CCDC150: variants seen among roughly 807,000 people sequenced by gnomAD.
CCDC150 encodes coiled-coil domain containing 150.
CCDC150 carries 151 observed loss-of-function variants against 156.5 expected under a neutral mutation model. The observed-to-expected ratio is 0.97, with a 90% confidence interval of 0.85 to 1.10. The LOEUF (loss-of-function observed/expected upper bound fraction) is 1.10, where lower values mean the gene tolerates loss of function less well. CCDC150 is among the 50% of genes least tolerant of loss of function. The pLI is 0.00. For synonymous variants in CCDC150, 452 were observed against 429.4 expected, an observed-to-expected ratio of 1.05 and a Z score of -0.65; for missense variants, 1,312 against 1,268.1, an observed-to-expected ratio of 1.03 and a Z score of -0.53.
At position 196,646,468 on chromosome 2, in the gene CCDC150, G is replaced by A. The variant is rs1294550918; in HGVS notation, c.140G>A (p.Arg47Lys). 6.2e-7 allele frequency: 1 copy of A among 1,613,778 alleles called. No individual in the cohort carries two copies. Among genetic ancestry groups the A allele is most frequent in the African/African-American group, 1.3e-5 (1 of 75,034 alleles). ...GTTGAGGAACAGACCAGTTCACTGA[G>A]GGATGACCTAATAATGTTGGATTTT... ...RIVEEQTSSL[R>K]DDLIMLDFGE... Residue 47 changes from arginine (R) to lysine (K), a missense_variant, in exon 2 of 28, where the codon AGG becomes AAG. By Grantham distance (26) the Arg-to-Lys change is conservative. Coordinates refer to ENST00000389175, the MANE Select transcript of CCDC150 (RefSeq NM_001080539.2).
chr2:196,692,880 A>G (rs536184336), intron 13 of CCDC150, among the ~76,000 whole-genome samples: 87 of 152,244 alleles, frequency 5.7e-4, no homozygotes, highest in African/African-American at 2.1e-3. Context: ...ATCTTTGTTC[A>G]TTTTGTGTCT....
chr2:196,712,105 A>AT, intron 15 of CCDC150, 40 bp from the exon 16 acceptor site: 1 of 954,886 alleles, frequency 1.0e-6, no homozygotes, highest in Non-Finnish European at 1.5e-6. Context: ...TAAATGTTTT[A>AT]TTTTTTAAAA....
At position 196,674,267 on chromosome 2, in the gene CCDC150, G is replaced by T; in HGVS notation, c.1056G>T (p.Lys352Asn). 2 of 1,601,120 alleles carry T rather than the reference G, an allele frequency of 1.2e-6. No homozygotes were observed. Among genetic ancestry groups the T allele is most frequent in the Non-Finnish European group, 1.7e-6 (2 of 1,173,312 alleles). Residue 352 changes from lysine to asparagine, a missense_variant, in exon 10 of 28, where the codon AAG becomes AAT. Coordinates refer to ENST00000389175, the MANE Select transcript of CCDC150 (RefSeq NM_001080539.2). ...TTTTGAATGACCAATTGACTAAAAA[G>T]TGTTCAGAGTTGAGCTGCATGCTTC... ...AQVLNDQLTKKCSELSCMLQT... is the reference protein window; with the variant it reads ...AQVLNDQLTKNCSELSCMLQT...
At chr2:196,677,845 C>T (rs953084628) in intron 13 of CCDC150, among the ~76,000 whole-genome samples, 1 of 152,094 alleles carries the variant, frequency 6.6e-6, no homozygotes, top group African/African-American at 2.4e-5. Flanking sequence ...CAAAAATTAG[C>T]TGGGCATGGT....
intron 13 of CCDC150, among the ~76,000 whole-genome samples, chr2:196,691,960 C>T (rs907170829): frequency 6.6e-6 from 1 of 151,984 alleles, no homozygotes; most frequent in East Asian, 1.9e-4. Context: ...ACAAAAACAG[C>T]TCCTGGATTT....
chr2:196,712,020 T>A (rs1361598123), intron 15 of CCDC150, 125 bp from the exon 16 acceptor site: 1 of 354,590 alleles, frequency 2.8e-6, no homozygotes, highest in Non-Finnish European at 5.0e-6. Flanking sequence ...CTGTAATTTT[T>A]TTTTTTTTTT....
At chr2:196,699,329 A>AGT (rs1696042738) in intron 14 of CCDC150, among the ~76,000 whole-genome samples, 1 of 152,234 alleles carries the variant, frequency 6.6e-6, no homozygotes, top group Non-Finnish European at 1.5e-5. Flanking sequence ...CAGGACAAAT[A>AGT]CTTGGTCTAA....
intron 15 of CCDC150, among the ~76,000 whole-genome samples, chr2:196,704,150 A>G (rs2125672705): frequency 6.6e-6 from 1 of 152,352 alleles, no homozygotes; most frequent in Middle Eastern, 3.4e-3. Context: ...TATGAATTGT[A>G]TTTGGTAAAA....
intron 12 of CCDC150, 31 bp downstream of exon 12, chr2:196,676,762 C>T (rs2125616928): frequency 6.5e-7 from 1 of 1,546,596 alleles, no homozygotes; most frequent in Non-Finnish European, 8.9e-7. Flanking sequence ...ATTATCTTCT[C>T]ATTGTGGTGT....
chr2:196,677,257 G>C (rs756372620), intron 12 of CCDC150, 36 bp from the exon 13 acceptor site: 2 of 1,390,022 alleles, frequency 1.4e-6, no homozygotes, highest in South Asian at 2.5e-5. Context: ...CTATAAAATT[G>C]ACCTATTCCT....
intron 10 of CCDC150, among the ~76,000 whole-genome samples, chr2:196,675,657 A>T (rs1268513854): frequency 6.6e-6 from 1 of 152,186 alleles, no homozygotes; most frequent in Non-Finnish European, 1.5e-5. Flanking sequence ...AGTGCAATTT[A>T]AGATAGTCTT....
At chr2:196,655,676 C>T (rs1358328862) in intron 2 of CCDC150, among the ~76,000 whole-genome samples, 1 of 152,134 alleles carries the variant, frequency 6.6e-6, no homozygotes, top group Non-Finnish European at 1.5e-5. Flanking sequence ...TGCTTGCACT[C>T]CTGTTTAAAA....
intron 1 of CCDC150, among the ~76,000 whole-genome samples, chr2:196,640,416 G>A (rs1426023633): frequency 6.6e-6 from 1 of 152,142 alleles, no homozygotes; most frequent in Non-Finnish European, 1.5e-5. Flanking sequence ...TCAGGACTAG[G>A]TCCTTTAATC....
chr2:196,701,091 CTTTG>C lies in CCDC150; in HGVS notation c.1624-13_1624-10del. 6.3e-7 allele frequency: 1 copy of C among 1,584,616 alleles called. No homozygotes were observed. Among genetic ancestry groups the C allele is most frequent in the Non-Finnish European group, 8.6e-7 (1 of 1,161,302 alleles). On this transcript the variant is annotated splice_polypyrimidine_tract_variant and intron_variant, in intron 14 of 27. Transcript: ENST00000389175. ...TTTCTATGCCTAGAGGTTCTGATGCCTTTGTTTGCCTTATCAGCTTGCCCAACAG... is the reference window on the plus strand; with the variant it reads ...TTTCTATGCCTAGAGGTTCTGATGCCTTTGCCTTATCAGCTTGCCCAACAG...
At chr2:196,686,514 T>G (rs1695139098) in intron 13 of CCDC150, among the ~76,000 whole-genome samples, 1 of 152,216 alleles carries the variant, frequency 6.6e-6, no homozygotes. Context: ...TATTGAATCT[T>G]CTAATACAGT....
chr2:196,647,895 CTT>C (rs1457724114), intron 2 of CCDC150, among the ~76,000 whole-genome samples: 1 of 152,158 alleles, frequency 6.6e-6, no homozygotes, highest in African/African-American at 2.4e-5. Flanking sequence ...CGAACAATCT[CTT>C]CTTTCCCTGT....
At position 196,732,123 on chromosome 2, in the gene CCDC150, C is replaced by T; in HGVS notation, c.3160C>T (p.Pro1054Ser). Residue 1054 changes from proline to serine, a missense_variant, in exon 27 of 28, where the codon CCT (proline) becomes TCT (serine). Coordinates refer to ENST00000389175, the MANE Select transcript of CCDC150 (RefSeq NM_001080539.2). Reference sequence around the variant, plus strand: ...GCTGACAAAAAACCGGTTGCAGAGGCCTTCTGGGGAAGACAGGTGGCAGGA... The same window carrying T: ...GCTGACAAAAAACCGGTTGCAGAGGTCTTCTGGGGAAGACAGGTGGCAGGA... ...LELTKNRLQR[P>S]SGEDRWQEKD... 3.1e-6 allele frequency: 5 copies of T among 1,613,844 alleles called. No homozygotes were observed. The highest frequency in any genetic ancestry group is 2.2e-5 in the East Asian group (1 of 44,868).
intron 15 of CCDC150, among the ~76,000 whole-genome samples, chr2:196,709,047 C>T (rs1447110499): frequency 6.6e-6 from 1 of 152,226 alleles, no homozygotes; most frequent in South Asian, 2.1e-4. Context: ...TGAATGTTGT[C>T]CTGTCTTGCT....
At chr2:196,652,021 A>G (rs1323858258) in intron 2 of CCDC150, among the ~76,000 whole-genome samples, 2 of 152,090 alleles carry the variant, frequency 1.3e-5, no homozygotes, top group South Asian at 2.1e-4. Context: ...ACTCATTACC[A>G]TGGGGAGGGC....
Sources: allele counts gnomAD v4.1 joint callset (sites outside exome capture counted in the v4.1 genomes callset), GRCh38; gene constraint gnomAD v4.1.1; transcripts MANE v1.5; gene names NCBI Gene and HGNC (gene_info 2026-07-23, HGNC 2026-07-21).